Variants in RPF2 observed in about 807,000 individuals in gnomAD.
RPF2 encodes the protein ribosome production factor 2 homolog.
A neutral mutation model predicts 38.9 loss-of-function variants in RPF2; 21 were observed. The ratio of observed to expected loss-of-function variants is 0.54; its 90% CI spans 0.38 to 0.78. The LOEUF (loss-of-function observed/expected upper bound fraction) is 0.78, where lower values mean the gene tolerates loss of function less well. RPF2 is among the 30% of genes least tolerant of loss of function. The pLI is 0.00. For synonymous variants in RPF2, 121 were observed against 126.2 expected, an observed-to-expected ratio of 0.96 and a Z score of 0.28; for missense variants, 314 against 358.1, an observed-to-expected ratio of 0.88 and a Z score of 0.99.
chr6:111,008,256 A>G, intron 7 of RPF2, 119 bp downstream of exon 7: 1 of 1,105,936 alleles, frequency 9.0e-7, no homozygotes, highest in East Asian at 3.5e-5. Flanking sequence ...TTTAAAAATA[A>G]TATTTATATA....
Position 111,026,624 on chromosome 6 carries a change from G to A in RPF2, c.*1042G>A, listed in dbSNP as rs75844616. 6,331 of 152,320 alleles carry A rather than the reference G, an allele frequency of 0.042. 153 individuals carry two copies. Among genetic ancestry groups the A allele is most frequent in the Middle Eastern group, 0.058 (17 of 294 alleles). 9.4% of individuals were successfully genotyped at this position (152,320 alleles called of 1,614,324 possible). A position where few individuals can be genotyped will look rare whatever the true frequency, so the allele number is the denominator to read the frequency against. On this transcript the variant is annotated 3_prime_UTR_variant, in exon 10 of 10. Coordinates refer to ENST00000441448, the MANE Select transcript of RPF2 (RefSeq NM_032194.3). ...TAAAGGTTGCATGAAGGCCCTGGGC[G>A]TTTGCAGATGGTGTAGAAGCCAGCC...
chr6:110,993,263 G>C (rs1771651732), intron 4 of RPF2, among the ~76,000 whole-genome samples: 1 of 147,406 alleles, frequency 6.8e-6, no homozygotes, highest in African/African-American at 2.6e-5. Flanking sequence ...ATTATTTGTT[G>C]TTGTTTTTTT....
At chr6:110,994,397 C>T (rs1016754451) in intron 4 of RPF2, among the ~76,000 whole-genome samples, 1 of 151,918 alleles carries the variant, frequency 6.6e-6, no homozygotes, top group Non-Finnish European at 1.5e-5. Context: ...CCAGCCTAGG[C>T]AACATATTGA....
chr6:111,008,094 C>T lies in RPF2; in HGVS notation c.450C>T (p.Phe150=), dbSNP rs769833453. 16 of 1,591,016 alleles carry T rather than the reference C, an allele frequency of 1.0e-5. No homozygotes were observed. The highest frequency in any genetic ancestry group is 5.2e-5 in the Admixed American group (3 of 57,908). ...TGCTGATATTTGCTGGCGATGATTT[C>T]GATGTAACAGAAGATTATAGAAGAC... ...KPMLIFAGDD[F]DVTEDYRRLK... The change falls in exon 7 of 10, where the codon TTC becomes TTT. Residue 150 remains phenylalanine (F), a synonymous_variant. Transcript: ENST00000441448.
In RPF2 at chr6:111,023,710, G is replaced by A. The variant is rs150499491; in HGVS notation, c.597-473G>A. ...GATAAAAGACTTATAAAGAAAAGCC[G>A]GGCATGGTGGCTCATGCCTGTAATC... On this transcript the variant is annotated intron_variant, in intron 8 of 9. Transcript: ENST00000441448. 1.6e-3 allele frequency among the ~76,000 whole-genome samples: 243 copies of A among 152,196 alleles called. 1 individual carries two copies. Among genetic ancestry groups the A allele is most frequent in the African/African-American group, 5.6e-3 (233 of 41,556 alleles).
At chr6:111,007,930 G>A in intron 6 of RPF2, 108 bp from the exon 7 acceptor site, 1 of 1,214,504 alleles carries the variant, frequency 8.2e-7, no homozygotes, top group Non-Finnish European at 1.1e-6. Flanking sequence ...CTGGATGACA[G>A]AGTGAGACTC....
At chr6:110,989,593 G>A (rs1209085642) in intron 3 of RPF2, among the ~76,000 whole-genome samples, 3 of 150,380 alleles carry the variant, frequency 2.0e-5, no homozygotes, top group Non-Finnish European at 4.4e-5. Context: ...AGGATTATAG[G>A]CACGTGCCAC....
chr6:111,000,208 C>T (rs1771790184), intron 6 of RPF2, among the ~76,000 whole-genome samples: 3 of 152,078 alleles, frequency 2.0e-5, no homozygotes, highest in Admixed American at 6.6e-5. Context: ...TGGGCTCAAG[C>T]AATTCTCCTA....
rs944571127 is a variant in RPF2, at chr6:111,025,690, A to G, written c.*108A>G. The G allele has an allele frequency of 3.8e-6, 3 of 796,792 alleles. No individual in the cohort carries two copies. Among genetic ancestry groups the G allele is most frequent in the South Asian group, 4.5e-5 (2 of 44,180 alleles). 49.4% of individuals were successfully genotyped at this position (796,792 alleles called of 1,614,324 possible). A position where few individuals can be genotyped will look rare whatever the true frequency, so the allele number is the denominator to read the frequency against. On this transcript the variant is annotated 3_prime_UTR_variant, in exon 10 of 10. Coordinates refer to ENST00000441448, the MANE Select transcript of RPF2 (RefSeq NM_032194.3). ...AGATCTTATTATATATTTTTATAAC[A>G]TGATAATTTTACGATATATTATTAT...
At chr6:110,989,438 T>C (rs1771580022) in intron 3 of RPF2, among the ~76,000 whole-genome samples, 1 of 152,152 alleles carries the variant, frequency 6.6e-6, no homozygotes, top group Non-Finnish European at 1.5e-5. Flanking sequence ...CAGACATATT[T>C]GATTAGCACC....
intron 6 of RPF2, 60 bp from the exon 7 acceptor site, chr6:111,007,978 C>T: frequency 7.0e-7 from 1 of 1,426,762 alleles, no homozygotes; most frequent in South Asian, 1.5e-5. Context: ...AAAACAAAAT[C>T]AATATATAAA....
chr6:110,997,359 T>C lies in RPF2; in HGVS notation c.316+95T>C, dbSNP rs192854997. On this transcript the variant is annotated intron_variant, in intron 5 of 9. Coordinates refer to ENST00000441448, the MANE Select transcript of RPF2 (RefSeq NM_032194.3). ...GGTCTGCAGCAACTTGGTTCTTGCC[T>C]CTTCAGAGGAAATAATTCATCCAAG... is the stretch of plus-strand genomic sequence containing the variant. 1,690 of 707,682 alleles carry C rather than the reference T, an allele frequency of 2.4e-3. 10 individuals are homozygous for C. Among genetic ancestry groups the C allele is most frequent in the Middle Eastern group, 0.011 (29 of 2,596 alleles). 43.8% of individuals were successfully genotyped at this position (707,682 alleles called of 1,614,324 possible).
intron 6 of RPF2, among the ~76,000 whole-genome samples, chr6:111,005,349 G>C (rs530808677): frequency 6.6e-6 from 1 of 152,262 alleles, no homozygotes; most frequent in Admixed American, 6.5e-5. Flanking sequence ...GAATTTATAG[G>C]AAGCTCAGAC....
chr6:111,016,590 G>C (rs9386988), intron 8 of RPF2, among the ~76,000 whole-genome samples: 21,055 of 145,306 alleles, frequency 0.14, 2,036 homozygotes, highest in East Asian at 0.49. Context: ...GAGTGAGGGC[G>C]CTGAAAAAAC....
rs1388599025 is a variant in RPF2 at position 110,988,912 on chromosome 6, C to G, written c.157-116C>G. ...GAAAAGGGAGCCAGGCAGAAGCCCT[C>G]AGAATAAGATTGAGGCCCCAGAGCA... On this transcript the variant is annotated intron_variant, in intron 2 of 9. Coordinates refer to ENST00000441448, the MANE Select transcript of RPF2 (RefSeq NM_032194.3). 3.1e-6 allele frequency: 4 copies of G among 1,302,242 alleles called. No individual in the cohort carries two copies. In the Admixed American group the frequency reaches 1.2e-4, roughly 38 times the overall value. 80.7% of individuals were successfully genotyped at this position (1,302,242 alleles called of 1,614,324 possible).
chr6:111,005,527 A>G (rs1771892826), intron 6 of RPF2, among the ~76,000 whole-genome samples: 2 of 152,218 alleles, frequency 1.3e-5, no homozygotes, highest in African/African-American at 4.8e-5. Context: ...TAAGAGTTTC[A>G]ACATTGCTGA....
chr6:110,985,026 C>T lies in RPF2; in HGVS notation c.44C>T (p.Ala15Val), dbSNP rs921859725. Residue 15 changes from alanine to valine, a missense_variant, in exon 2 of 10, where the codon GCC becomes GTC. By Grantham distance (64) the Ala-to-Val change is moderately conservative. Coordinates refer to ENST00000441448, the MANE Select transcript of RPF2 (RefSeq NM_032194.3). ...DRVVKPKTKR[A>V]KRFLEKREPK... ...AACAGAAAGCCCAAAACGAAAAGAG[C>T]CAAGAGATTCCTTGAGAAGAGAGAA... 6.2e-7 allele frequency: 1 copy of T among 1,611,572 alleles called. No individual in the cohort carries two copies. Among genetic ancestry groups the T allele is most frequent in the South Asian group, 1.1e-5 (1 of 90,934 alleles).
intron 9 of RPF2, among the ~76,000 whole-genome samples, 173 bp downstream of exon 9, chr6:111,024,500 T>C (rs1248541858): frequency 6.6e-6 from 1 of 151,832 alleles, no homozygotes; most frequent in African/African-American, 2.4e-5. Flanking sequence ...GATCACAAGG[T>C]CAGGAGATCG....
chr6:110,990,347 C>G (rs1771597297), intron 3 of RPF2, among the ~76,000 whole-genome samples: 1 of 152,122 alleles, frequency 6.6e-6, no homozygotes, highest in Non-Finnish European at 1.5e-5. Context: ...CTTTCATTGT[C>G]TTTGATGACC....
Sources: allele counts gnomAD v4.1 joint callset (sites outside exome capture counted in the v4.1 genomes callset), GRCh38; gene constraint gnomAD v4.1.1; transcripts MANE v1.5; gene names NCBI Gene and HGNC (gene_info 2026-07-23, HGNC 2026-07-21).